Variants in DHRS3 observed in about 807,000 individuals in gnomAD.
DHRS3 encodes short-chain dehydrogenase/reductase 3.
Under a neutral mutation model 27.2 loss-of-function variants are expected in DHRS3, and 14 were observed. The observed-to-expected ratio is 0.52, with a 90% CI of 0.34 to 0.81. The LOEUF is 0.81. Among genes scored for constraint, DHRS3 ranks in the 30% least tolerant of loss-of-function variants. The pLI, the probability that DHRS3 is intolerant of heterozygous loss-of-function variation, is 0.01. For synonymous variants in DHRS3, 165 were observed against 175.9 expected, an observed-to-expected ratio of 0.94 and a Z score of 0.49; for missense variants, 322 against 406.2, an observed-to-expected ratio of 0.79 and a Z score of 1.78.
Position 12,580,683 on chromosome 1 carries a change from A to G in DHRS3, c.196-17T>C. On this transcript the variant is annotated splice_polypyrimidine_tract_variant and intron_variant, in intron 1 of 5. Transcript: ENST00000616661. ...GAGAACAATCTGGAAGAAGATAATA[A>G]CAACGCAGAACAAATGGTCATTAAG... 6.2e-7 allele frequency: 1 copy of G among 1,602,868 alleles called. No homozygotes were observed. Among genetic ancestry groups the G allele is most frequent in the Non-Finnish European group, 8.5e-7 (1 of 1,172,754 alleles).
chr1:12,576,940 T>C (rs1019163307), intron 4 of DHRS3, among the ~76,000 whole-genome samples: 2 of 151,130 alleles, frequency 1.3e-5, no homozygotes, highest in African/African-American at 4.9e-5. Context: ...CCTCCCAAAG[T>C]GCTGGGATTG....
intron 1 of DHRS3, among the ~76,000 whole-genome samples, chr1:12,601,213 A>T (rs1375552771): frequency 6.6e-6 from 1 of 151,618 alleles, no homozygotes; most frequent in Non-Finnish European, 1.5e-5. Flanking sequence ...CGACTCCCAA[A>T]CCCTATGGCT....
intron 1 of DHRS3, among the ~76,000 whole-genome samples, chr1:12,606,768 T>C (rs1164227065): frequency 3.3e-5 from 5 of 152,158 alleles, no homozygotes; most frequent in African/African-American, 1.2e-4. Flanking sequence ...GTGCTGGGAT[T>C]ACAGGTGTGA....
At chr1:12,617,052 C>A in intron 1 of DHRS3, 102 bp downstream of exon 1, 2 of 1,347,960 alleles carry the variant, frequency 1.5e-6, no homozygotes. Context: ...GTGGGGTGGC[C>A]GGCGACTCTC....
chr1:12,605,796 G>A (rs978302874), intron 1 of DHRS3, among the ~76,000 whole-genome samples: 7 of 152,188 alleles, frequency 4.6e-5, no homozygotes, highest in East Asian at 1.9e-4. Context: ...ATGGAAGAAC[G>A]GTGAAATCAC....
chr1:12,593,340 C>A lies in DHRS3; in HGVS notation c.196-12674G>T, dbSNP rs1646761911. Reference sequence around the variant, plus strand: ...CCCAAGTATCCCTCTCCTTGTAGGGCACCCTCTTTTCTTTTTAAAAAATTA... The same window carrying A: ...CCCAAGTATCCCTCTCCTTGTAGGGAACCCTCTTTTCTTTTTAAAAAATTA... On this transcript the variant is annotated intron_variant, in intron 1 of 5. Transcript: ENST00000616661. This position sits in a 1 kb window ranked among gnomAD's most constrained non-coding sequence, Gnocchi z 4.6. Among the ~76,000 whole-genome samples the A allele has an allele frequency of 2.0e-5, 3 of 152,142 alleles. No individual in the cohort carries two copies.
intron 5 of DHRS3, among the ~76,000 whole-genome samples, 157 bp downstream of exon 5, chr1:12,572,571 G>A (rs574995736): frequency 2.4e-4 from 37 of 152,326 alleles, no homozygotes; most frequent in African/African-American, 6.0e-4. Context: ...AAGGGGCCCC[G>A]TGACTAACAA....
At chr1:12,600,818 CTCTA>C (rs1435326350) in intron 1 of DHRS3, among the ~76,000 whole-genome samples, 1 of 152,322 alleles carries the variant, frequency 6.6e-6, no homozygotes, top group South Asian at 2.1e-4. Context: ...CAGTCTATCT[CTCTA>C]TCTATCGTCT....
At chr1:12,600,152 G>C (rs1274021052) in intron 1 of DHRS3, among the ~76,000 whole-genome samples, 1 of 152,054 alleles carries the variant, frequency 6.6e-6, no homozygotes, top group African/African-American at 2.4e-5. Flanking sequence ...CTCAAAATCT[G>C]AATCTCTATG....
At chr1:12,616,529 G>A in intron 1 of DHRS3, 4 of 983,970 alleles carry the variant, frequency 4.1e-6, no homozygotes, top group Non-Finnish European at 4.8e-6. Context: ...TTGAAGGTGA[G>A]AACAAGGGCT....
intron 1 of DHRS3, among the ~76,000 whole-genome samples, chr1:12,596,588 A>G (rs908080815): frequency 6.6e-6 from 1 of 152,138 alleles, no homozygotes; most frequent in African/African-American, 2.4e-5. Context: ...CTTGGCAGCC[A>G]GCGCTCAGAG....
chr1:12,596,780 G>A (rs1472550027), intron 1 of DHRS3, among the ~76,000 whole-genome samples: 1 of 152,204 alleles, frequency 6.6e-6, no homozygotes, highest in Non-Finnish European at 1.5e-5. Flanking sequence ...GTGTGGGGAA[G>A]GTCAAAAGTG....
chr1:12,607,282 T>C, intron 1 of DHRS3, among the ~76,000 whole-genome samples: 1 of 152,178 alleles, frequency 6.6e-6, no homozygotes, highest in East Asian at 1.9e-4. Context: ...AAAAAATCTT[T>C]AAAGGGTGAT....
chr1:12,617,373 G>C lies in DHRS3; in HGVS notation c.-25C>G. The C allele has an allele frequency of 6.3e-7, 1 of 1,590,954 alleles. No homozygotes were observed. Among genetic ancestry groups the C allele is most frequent in the Non-Finnish European group, 8.6e-7 (1 of 1,163,432 alleles). ...TCCTCCGCGCCGCGGAGCCGGGCAG[G>C]GGGCGAAACTCCCCGGGCCGAGCAA... On this transcript the variant is annotated 5_prime_UTR_variant, in exon 1 of 6. Transcript: ENST00000616661.
chr1:12,570,494 G>A (rs1646526502), intron 5 of DHRS3, among the ~76,000 whole-genome samples: 1 of 152,214 alleles, frequency 6.6e-6, no homozygotes, highest in African/African-American at 2.4e-5. Flanking sequence ...CCTGGGGGTG[G>A]TGGTATTAGA....
intron 1 of DHRS3, among the ~76,000 whole-genome samples, chr1:12,582,664 C>T (rs1488850465): frequency 3.3e-5 from 5 of 152,060 alleles, no homozygotes; most frequent in African/African-American, 1.2e-4. Flanking sequence ...CTCCTCTGGA[C>T]CACCCCCCGC....
rs1309915749 is a variant in DHRS3 at position 12,578,957 on chromosome 1, C to G, written c.460-1G>C. ...TACGCGGCAGGAAGGCCTTGGTGGT[C>G]TGAGGGCAGATGGGGTGTCAGGGTG... is the stretch of plus-strand genomic sequence containing the variant. On this transcript the variant is annotated splice_acceptor_variant, in intron 3 of 5. Coordinates refer to ENST00000616661, the MANE Select transcript of DHRS3 (RefSeq NM_004753.7). LOFTEE classifies it high-confidence loss of function. The surrounding 1 kb of genome is among the most constrained non-coding windows in gnomAD (Gnocchi z 4.5). 1 of 1,610,866 alleles carries G rather than the reference C, an allele frequency of 6.2e-7. No individual in the cohort carries two copies. Among genetic ancestry groups the G allele is most frequent in the East Asian group, 2.2e-5 (1 of 44,868 alleles).
chr1:12,603,088 C>G (rs947576979), intron 1 of DHRS3, among the ~76,000 whole-genome samples: 11 of 152,236 alleles, frequency 7.2e-5, no homozygotes, highest in Admixed American at 2.6e-4. Context: ...GCATTCAGAG[C>G]TTCTAGCTTG....
chr1:12,609,881 T>C (rs192734082), intron 1 of DHRS3, among the ~76,000 whole-genome samples: 109 of 152,270 alleles, frequency 7.2e-4, no homozygotes, highest in African/African-American at 2.5e-3. Flanking sequence ...CTCAGAGCCC[T>C]TGCCCTGTCC....
Sources: allele counts gnomAD v4.1 joint callset (sites outside exome capture counted in the v4.1 genomes callset), GRCh38; gene constraint gnomAD v4.1.1; non-coding constraint Gnocchi (gnomAD v3.1); transcripts MANE v1.5; gene names NCBI Gene and HGNC (gene_info 2026-07-23, HGNC 2026-07-21).